The following ITPR2 variants were observed in gnomAD, a reference collection of about 807,000 sequenced individuals.
ITPR2 encodes the protein inositol 1,4,5-trisphosphate-gated calcium channel ITPR2.
A neutral mutation model predicts 317.1 loss-of-function variants in ITPR2; 207 were observed. The ratio of observed to expected loss-of-function variants is 0.65; its 90% confidence interval spans 0.58 to 0.73. The LOEUF (loss-of-function observed/expected upper bound fraction) is 0.73. Ranked by LOEUF, ITPR2 falls within the 30% of genes least tolerant of loss-of-function variation. The probability of loss-of-function intolerance (pLI) is 0.00; values close to 1 mark genes in which losing one functional copy is unlikely to be tolerated. For synonymous variants in ITPR2, 1,156 were observed against 1,149.1 expected (o/e 1.01, Z -0.12); for missense variants, 2,613 against 3,284.0 (o/e 0.80, Z 4.99).
chr12:26,721,227 C>A, intron 5 of ITPR2: 8 of 456,288 alleles, frequency 1.8e-5, no homozygotes, highest in South Asian at 1.3e-4. Flanking sequence ...AGAAATCCAA[C>A]CAACACAAGA....
intron 43 of ITPR2, among the ~76,000 whole-genome samples, chr12:26,479,900 C>A (rs1942507602): frequency 6.6e-6 from 1 of 151,704 alleles, no homozygotes; most frequent in South Asian, 2.1e-4. Flanking sequence ...ATAGTGAGAC[C>A]CTGACTCAAA....
At chr12:26,602,949 G>T (rs1442920296) in intron 26 of ITPR2, among the ~76,000 whole-genome samples, 4 of 152,174 alleles carry the variant, frequency 2.6e-5, no homozygotes, top group Non-Finnish European at 1.5e-5. Flanking sequence ...ATAATTATAT[G>T]AGTTAAATTG....
chr12:26,472,349 G>T (rs762217182), intron 45 of ITPR2, among the ~76,000 whole-genome samples: 3 of 152,016 alleles, frequency 2.0e-5, no homozygotes, highest in Non-Finnish European at 2.9e-5. Context: ...CAGCAATTCA[G>T]AATCTCCTTT....
At chr12:26,525,168 T>C (rs1565580384) in intron 37 of ITPR2, among the ~76,000 whole-genome samples, 1 of 152,114 alleles carries the variant, frequency 6.6e-6, no homozygotes, top group Non-Finnish European at 1.5e-5. Context: ...TGGATATCAC[T>C]ACCATGAGGA....
chr12:26,797,652 T>C (rs1157761828), intron 1 of ITPR2, among the ~76,000 whole-genome samples: 4 of 148,848 alleles, frequency 2.7e-5, no homozygotes, highest in African/African-American at 9.8e-5. Flanking sequence ...GTTAAGATGG[T>C]GGATAGATTC....
intron 9 of ITPR2, among the ~76,000 whole-genome samples, chr12:26,702,438 T>G (rs79833736): frequency 0.015 from 2,183 of 150,126 alleles, 34 homozygotes; most frequent in African/African-American, 0.034. Context: ...TTTCTTTTTT[T>G]TTTTTCTCCT....
chr12:26,433,714 T>C (rs1264557961), intron 48 of ITPR2, among the ~76,000 whole-genome samples: 2 of 152,112 alleles, frequency 1.3e-5, no homozygotes, highest in African/African-American at 4.8e-5. Context: ...TAAGGCACAA[T>C]AGTAAAGACG....
At chr12:26,506,827 C>T (rs781181232) in intron 37 of ITPR2, among the ~76,000 whole-genome samples, 12 of 152,226 alleles carry the variant, frequency 7.9e-5, no homozygotes, top group Middle Eastern at 3.4e-3. Flanking sequence ...TAAGGCTGCA[C>T]GTCATACAAG....
In ITPR2 at chr12:26,679,876, T is replaced by C. The variant is rs533184453; in HGVS notation, c.1409+1998A>G. 3.6e-3 allele frequency among the ~76,000 whole-genome samples: 552 copies of C among 152,208 alleles called. 1 individual carries two copies. The highest frequency in any genetic ancestry group is 0.012 in the African/African-American group (501 of 41,558). On this transcript the variant is annotated intron_variant, in intron 13 of 56. Transcript: ENST00000381340. ...GTCCCCAACATTATTTTCTGAGAAATATATTACCACAGTTTGATTTAAATA... is the reference window on the plus strand; with the variant it reads ...GTCCCCAACATTATTTTCTGAGAAACATATTACCACAGTTTGATTTAAATA...
At chr12:26,593,653 T>C (rs560612235) in intron 32 of ITPR2, among the ~76,000 whole-genome samples, 61 of 152,286 alleles carry the variant, frequency 4.0e-4, no homozygotes, top group African/African-American at 1.5e-3. Flanking sequence ...ATCAAGAAGA[T>C]ATTGAAATTC....
In ITPR2 at chr12:26,600,088, C is replaced by T. The variant is rs1482518047; in HGVS notation, c.3700G>A (p.Val1234Ile). ...AGAAATGTATGGGCTAGATTCATTACTTCATTCATCTTTTCATCATTCTGT... is the reference window on the plus strand; with the variant it reads ...AGAAATGTATGGGCTAGATTCATTATTTCATTCATCTTTTCATCATTCTGT... ...YEKNDEKMNE[V>I]MNLAHTFLQN... Residue 1234 changes from valine to isoleucine, a missense_variant, in exon 29 of 57, where the codon GTA (valine) becomes ATA (isoleucine). Physicochemically the swap from Val to Ile is conservative, Grantham distance 29. Coordinates refer to ENST00000381340, the MANE Select transcript of ITPR2 (RefSeq NM_002223.4). The T allele has an allele frequency of 6.2e-7, 1 of 1,606,808 alleles. No individual in the cohort carries two copies. Among genetic ancestry groups the T allele is most frequent in the Non-Finnish European group, 8.5e-7 (1 of 1,174,280 alleles).
chr12:26,787,663 C>T (rs1242711148), intron 2 of ITPR2, among the ~76,000 whole-genome samples: 1 of 152,172 alleles, frequency 6.6e-6, no homozygotes, highest in African/African-American at 2.4e-5. Flanking sequence ...GCTGCCCAGG[C>T]TCATGCCTGT....
chr12:26,768,417 AAAAAAATT>A (rs1354153584), intron 2 of ITPR2, among the ~76,000 whole-genome samples: 2 of 68,544 alleles, frequency 2.9e-5, no homozygotes, highest in Admixed American at 4.1e-4. Flanking sequence ...AGTATAATAA[AAAAAAATT>A]AAAAAAAAAT....
chr12:26,436,620 A>G (rs1941356548), intron 47 of ITPR2, among the ~76,000 whole-genome samples: 1 of 152,224 alleles, frequency 6.6e-6, no homozygotes, highest in African/African-American at 2.4e-5. Flanking sequence ...GTGGTCAGAA[A>G]AGGTGATTCT....
intron 34 of ITPR2, among the ~76,000 whole-genome samples, chr12:26,566,001 T>G (rs1205892174): frequency 9.4e-3 from 222 of 23,712 alleles, no homozygotes; most frequent in Middle Eastern, 0.033. Flanking sequence ...GAAGGAGAGG[T>G]GAAGAAGAGG....
intron 11 of ITPR2, among the ~76,000 whole-genome samples, chr12:26,683,461 G>A (rs190255246): frequency 6.6e-6 from 1 of 152,276 alleles, no homozygotes; most frequent in African/African-American, 2.4e-5. Context: ...AGCACAAGAA[G>A]GTTGTGATGT....
At chr12:26,662,602 A>G (rs1043322040) in intron 15 of ITPR2, among the ~76,000 whole-genome samples, 2 of 152,228 alleles carry the variant, frequency 1.3e-5, no homozygotes, top group East Asian at 3.8e-4. Context: ...TTATCAAACA[A>G]TAATTAATTT....
Position 26,419,054 on chromosome 12 carries a change from A to G in ITPR2, c.7105T>C (p.Phe2369Leu). The G allele has an allele frequency of 6.2e-7, 1 of 1,613,256 alleles. No homozygotes were observed. Among genetic ancestry groups the G allele is most frequent in the Non-Finnish European group, 8.5e-7 (1 of 1,179,488 alleles). The change falls in exon 50 of 57, where the codon TTC (phenylalanine) becomes CTC (leucine). Residue 2369 changes from phenylalanine (F) to leucine (L), a missense_variant. By Grantham distance (22) the Phe-to-Leu change is conservative. This residue lies in a region of ITPR2 where 78 missense variants were observed against 110.3 expected (regional missense o/e 0.71). Coordinates refer to ENST00000381340, the MANE Select transcript of ITPR2 (RefSeq NM_002223.4). ...GLFVHEFFYS[F>L]LLFDLVYREE... The stretch of plus-strand genomic sequence containing the variant: ...CCACATAGAGATGTACTCACCAGGA[A>G]GCTATAGAAGAATTCATGGACAAAA...
chr12:26,675,074 T>C (rs2136947346), intron 13 of ITPR2, among the ~76,000 whole-genome samples: 1 of 151,834 alleles, frequency 6.6e-6, no homozygotes, highest in Admixed American at 6.6e-5. Flanking sequence ...TGTGGAGAAA[T>C]AGGAACACTT....
Sources: gnomAD v4.1 joint callset for allele counts (sites outside exome capture counted in the v4.1 genomes callset) on GRCh38, gnomAD v4.1.1 for gene constraint, gnomAD v4.1.1 regional missense constraint, MANE v1.5 for transcripts, NCBI Gene and HGNC (gene_info 2026-07-23, HGNC 2026-07-21) for gene names.